EPB41L2: variants seen among roughly 807,000 people sequenced by gnomAD.
The protein encoded by EPB41L2 is band 4.1-like protein 2.
Under a neutral mutation model 113.0 loss-of-function variants are expected in EPB41L2, and 43 were observed. The ratio of observed to expected loss-of-function variants is 0.38; its 90% CI spans 0.30 to 0.49. EPB41L2 has a LOEUF of 0.49. Ranked by LOEUF, EPB41L2 falls within the 20% of genes least tolerant of loss-of-function variation. The pLI, the probability that EPB41L2 is intolerant of heterozygous loss-of-function variation, is 0.95. For synonymous variants in EPB41L2, 442 were observed against 436.7 expected (o/e 1.01, Z -0.15); for missense variants, 1,147 against 1,223.4 (o/e 0.94, Z 0.93).
chr6:130,980,912 C>T (rs574049836), intron 1 of EPB41L2, among the ~76,000 whole-genome samples: 1 of 152,240 alleles, frequency 6.6e-6, no homozygotes, highest in African/African-American at 2.4e-5. Context: ...TTCAGCTTAT[C>T]GGACATTCAT....
chr6:130,892,944 C>T (rs890244498), intron 10 of EPB41L2, among the ~76,000 whole-genome samples: 1 of 151,966 alleles, frequency 6.6e-6, no homozygotes, highest in Non-Finnish European at 1.5e-5. Context: ...CAGTATTAGA[C>T]CATAAGTCCA....
chr6:130,849,880 C>T (rs1172775951), intron 19 of EPB41L2, among the ~76,000 whole-genome samples: 2 of 152,110 alleles, frequency 1.3e-5, no homozygotes, highest in Non-Finnish European at 2.9e-5. Context: ...TGCTCACAAA[C>T]TGCTAGTGGC....
At chr6:130,910,821 G>A (rs1799145098) in intron 4 of EPB41L2, among the ~76,000 whole-genome samples, 1 of 152,208 alleles carries the variant, frequency 6.6e-6, no homozygotes, top group African/African-American at 2.4e-5. Flanking sequence ...AATCCACAAT[G>A]AGACACCATC....
At chr6:131,062,014 T>C (rs1217260289) in intron 1 of EPB41L2, among the ~76,000 whole-genome samples, 1 of 152,060 alleles carries the variant, frequency 6.6e-6, no homozygotes, top group African/African-American at 2.4e-5. Flanking sequence ...ACAGCTCCTC[T>C]AGATTCCACC....
At chr6:130,881,947 A>C (rs1024150159) in intron 12 of EPB41L2, 9 of 152,214 alleles carry the variant, frequency 5.9e-5, no homozygotes, top group Non-Finnish European at 1.3e-4. Context: ...TAGGGAGATA[A>C]GGAGCTTTTG....
At chr6:130,846,643 C>A (rs1418981003) in intron 19 of EPB41L2, among the ~76,000 whole-genome samples, 3 of 152,100 alleles carry the variant, frequency 2.0e-5, no homozygotes, top group Non-Finnish European at 4.4e-5. Context: ...GTTTGGAGAC[C>A]CCACCTTCTT....
chr6:130,952,806 T>G (rs1038626686), intron 3 of EPB41L2, among the ~76,000 whole-genome samples: 2 of 140,124 alleles, frequency 1.4e-5, no homozygotes, highest in African/African-American at 5.2e-5. Flanking sequence ...CAAGACTCCA[T>G]CTCAAAAAAA....
intron 4 of EPB41L2, among the ~76,000 whole-genome samples, chr6:130,917,622 G>C (rs1364370755): frequency 3.3e-5 from 5 of 151,960 alleles, no homozygotes; most frequent in Non-Finnish European, 7.4e-5. Flanking sequence ...ACTTCTCCTT[G>C]TCGTATCTGG....
At chr6:130,914,390 A>G (rs2128523087) in intron 4 of EPB41L2, among the ~76,000 whole-genome samples, 1 of 152,328 alleles carries the variant, frequency 6.6e-6, no homozygotes, top group East Asian at 1.9e-4. Context: ...AAAGTTAATA[A>G]ATCAGACTTT....
chr6:130,997,596 G>C (rs569144992), intron 1 of EPB41L2, among the ~76,000 whole-genome samples: 3 of 152,086 alleles, frequency 2.0e-5, no homozygotes, highest in African/African-American at 7.2e-5. Context: ...CACAATACAC[G>C]CACAATTTAA....
chr6:130,927,468 A>G (rs1805143795), intron 3 of EPB41L2, among the ~76,000 whole-genome samples: 1 of 152,134 alleles, frequency 6.6e-6, no homozygotes, highest in Non-Finnish European at 1.5e-5. Context: ...ATTAAGATGC[A>G]CACCCCTGGA....
chr6:130,880,023 T>C, intron 13 of EPB41L2, 121 bp downstream of exon 13: 2 of 677,146 alleles, frequency 3.0e-6, no homozygotes, highest in Non-Finnish European at 5.1e-6. Flanking sequence ...CCGAGCTGAA[T>C]TCCCCCATGC....
At chr6:130,981,246 A>G (rs1779321581) in intron 1 of EPB41L2, among the ~76,000 whole-genome samples, 1 of 152,252 alleles carries the variant, frequency 6.6e-6, no homozygotes, top group Non-Finnish European at 1.5e-5. Flanking sequence ...TAATCAAATG[A>G]GTGCCAATCT....
intron 3 of EPB41L2, among the ~76,000 whole-genome samples, chr6:130,952,899 T>C (rs1020663939): frequency 6.6e-6 from 1 of 151,982 alleles, no homozygotes; most frequent in Non-Finnish European, 1.5e-5. Context: ...CTATTATTTT[T>C]ATATTTTTGT....
intron 10 of EPB41L2, among the ~76,000 whole-genome samples, chr6:130,891,534 C>T (rs142628962): frequency 0.011 from 1,738 of 152,152 alleles, 11 homozygotes; most frequent in Middle Eastern, 0.02. Flanking sequence ...CTGCAACCTC[C>T]GCCTCCCGGG....
chr6:130,912,360 A>T (rs1280797925), intron 4 of EPB41L2, among the ~76,000 whole-genome samples: 2 of 152,338 alleles, frequency 1.3e-5, no homozygotes, highest in African/African-American at 4.8e-5. Context: ...GGTATAACGG[A>T]ACATTAACTG....
chr6:130,869,786 G>A lies in EPB41L2; in HGVS notation c.2384C>T (p.Pro795Leu). The A allele has an allele frequency of 6.2e-7, 1 of 1,613,946 alleles. No homozygotes were observed. The highest frequency in any genetic ancestry group is 8.5e-7 in the Non-Finnish European group (1 of 1,180,006). ...TGCTTGTGTGACTGGGCTGGCTTCG[G>A]GCACTGCTTCCTCCCTCTCTACTAC... ...AKVVEREEAVPEASPVTQAGA... is the reference protein window; with the variant it reads ...AKVVEREEAVLEASPVTQAGA... Residue 795 changes from proline (P) to leucine (L), a missense_variant, in exon 15 of 20, where the codon CCC becomes CTC. Physicochemically the swap from Pro to Leu is moderately conservative, Grantham distance 98. Transcript: ENST00000337057.
intron 1 of EPB41L2, among the ~76,000 whole-genome samples, chr6:130,982,623 G>A (rs1415732240): frequency 1.3e-5 from 2 of 152,134 alleles, no homozygotes; most frequent in African/African-American, 4.8e-5. Flanking sequence ...AATATTCCAA[G>A]AATTATGCAA....
intron 1 of EPB41L2, among the ~76,000 whole-genome samples, chr6:131,008,690 C>T (rs192019418): frequency 1.3e-5 from 2 of 152,346 alleles, no homozygotes; most frequent in Admixed American, 6.5e-5. Context: ...CTTCCCAAGG[C>T]CATGGGAGCC....
Sources: allele counts gnomAD v4.1 joint callset (sites outside exome capture counted in the v4.1 genomes callset), GRCh38; gene constraint gnomAD v4.1.1; transcripts MANE v1.5; gene names NCBI Gene and HGNC (gene_info 2026-07-23, HGNC 2026-07-21).